The following SMARCC1 variants were observed in gnomAD, a reference collection of about 807,000 sequenced individuals.
SMARCC1 encodes SWI/SNF complex subunit SMARCC1.
SMARCC1 carries 43 observed loss-of-function variants against 147.4 expected under a neutral mutation model. The ratio of observed to expected loss-of-function variants is 0.29; its 90% CI spans 0.23 to 0.38. The LOEUF is 0.38. Among genes scored for constraint, SMARCC1 ranks in the 10% least tolerant of loss-of-function variants. SMARCC1 has a pLI of 1.00. For synonymous variants in SMARCC1, 495 were observed against 484.4 expected, an observed-to-expected ratio of 1.02 and a Z score of -0.29; for missense variants, 1,119 against 1,381.1, an observed-to-expected ratio of 0.81 and a Z score of 3.01.
At chr3:47,630,054 G>A in intron 24 of SMARCC1, among the ~76,000 whole-genome samples, 1 of 151,578 alleles carries the variant, frequency 6.6e-6, no homozygotes, top group Non-Finnish European at 1.5e-5. Context: ...GAAGAATGAT[G>A]AGGTCTGGGA....
intron 19 of SMARCC1, chr3:47,663,918 T>A (rs1344520427): frequency 6.9e-7 from 1 of 1,455,652 alleles, no homozygotes; most frequent in African/African-American, 1.4e-5. Flanking sequence ...GTCACCGCTA[T>A]GAAGTCTCAA....
chr3:47,772,005 G>A (rs893375038), intron 2 of SMARCC1, among the ~76,000 whole-genome samples: 3 of 151,932 alleles, frequency 2.0e-5, no homozygotes, highest in African/African-American at 4.8e-5. Context: ...ATCGCTGCAG[G>A]TTGCAGTGAG....
Position 47,706,481 on chromosome 3 carries a change from C to T in SMARCC1, c.968G>A (p.Arg323Gln), listed in dbSNP as rs769789233. ...RRDRKASANARKRKHSPSPPP... is the reference protein window; with the variant it reads ...RRDRKASANAQKRKHSPSPPP... ...AGGCGAAGGCGAATGTTTCCTCTTTCGAGCATTAGCTGATGCTTTTCTATC... is the reference window on the plus strand; with the variant it reads ...AGGCGAAGGCGAATGTTTCCTCTTTTGAGCATTAGCTGATGCTTTTCTATC... Residue 323 changes from arginine to glutamine, a missense_variant, in exon 10 of 28, where the codon CGA becomes CAA. Around this residue, in one of 6 missense-constraint regions of SMARCC1, gnomAD observed 542 missense variants for 611.8 expected, o/e 0.89. Coordinates refer to ENST00000254480, the MANE Select transcript of SMARCC1 (RefSeq NM_003074.4). 5.7e-6 allele frequency: 9 copies of T among 1,581,970 alleles called. No individual in the cohort carries two copies. The highest frequency in any genetic ancestry group is 1.4e-5 in the African/African-American group (1 of 72,570).
At chr3:47,697,282 G>A (rs908983287) in intron 11 of SMARCC1, among the ~76,000 whole-genome samples, 1 of 151,404 alleles carries the variant, frequency 6.6e-6, no homozygotes, top group Non-Finnish European at 1.5e-5. Flanking sequence ...CAGCCTGGGC[G>A]AAAGAGCGAG....
intron 10 of SMARCC1, among the ~76,000 whole-genome samples, chr3:47,705,578 T>C (rs978974295): frequency 6.6e-6 from 1 of 152,176 alleles, no homozygotes; most frequent in African/African-American, 2.4e-5. Context: ...ATTCAAGGCA[T>C]GTTCTGGGAA....
intron 2 of SMARCC1, among the ~76,000 whole-genome samples, chr3:47,747,717 A>C (rs2034582322): frequency 6.6e-6 from 1 of 152,072 alleles, no homozygotes; most frequent in Non-Finnish European, 1.5e-5. Flanking sequence ...TTGAGAAAGA[A>C]GGCAGGGAGG....
At chr3:47,666,974 T>C (rs1309258285) in intron 19 of SMARCC1, among the ~76,000 whole-genome samples, 2 of 152,186 alleles carry the variant, frequency 1.3e-5, no homozygotes, top group East Asian at 3.8e-4. Context: ...TGTTGGTTAC[T>C]GAATATCTTC....
At chr3:47,676,078 C>T (rs890072708) in intron 17 of SMARCC1, among the ~76,000 whole-genome samples, 6 of 152,158 alleles carry the variant, frequency 3.9e-5, no homozygotes, top group African/African-American at 1.4e-4. Flanking sequence ...TTTGGTGTCC[C>T]TTTAAATCCC....
chr3:47,589,049 C>G (rs999737206), intron 27 of SMARCC1, among the ~76,000 whole-genome samples: 2 of 152,174 alleles, frequency 1.3e-5, no homozygotes, highest in Non-Finnish European at 2.9e-5. Context: ...AAATAAAGTG[C>G]AGCATTGCTC....
rs572620775 is a variant in SMARCC1, at chr3:47,635,085, C to A, written c.2646+105G>T. ...GAAATGCCATTCAAGCAGTCATCTC[C>A]TATTGGGAGCAAAGCTCTTTATACT... On this transcript the variant is annotated intron_variant, in intron 24 of 27. Transcript: ENST00000254480. The A allele has an allele frequency of 5.2e-6, 5 of 961,984 alleles. No homozygotes were observed. In the African/African-American group the frequency reaches 8.2e-5, roughly 16 times the overall value. The allele number at this position is 961,984 out of a possible 1,614,324, so 59.6% of individuals were successfully genotyped here. A position where few individuals can be genotyped will look rare whatever the true frequency, so the allele number is the denominator to read the frequency against.
intron 21 of SMARCC1, among the ~76,000 whole-genome samples, chr3:47,644,249 G>A (rs1185790443): frequency 6.6e-6 from 1 of 152,108 alleles, no homozygotes; most frequent in Non-Finnish European, 1.5e-5. Context: ...CGGAGGCAGG[G>A]GTAGGAAGAC....
At chr3:47,631,740 G>T (rs1313789637) in intron 24 of SMARCC1, among the ~76,000 whole-genome samples, 1 of 152,090 alleles carries the variant, frequency 6.6e-6, no homozygotes, top group Non-Finnish European at 1.5e-5. Flanking sequence ...AGATTCTTAA[G>T]GAAAACTTTT....
intron 2 of SMARCC1, among the ~76,000 whole-genome samples, chr3:47,747,205 G>A (rs779623819): frequency 2.6e-5 from 4 of 151,804 alleles, no homozygotes; most frequent in South Asian, 2.1e-4. Context: ...AGGCCGAAGC[G>A]GGCAGATGGC....
intron 3 of SMARCC1, among the ~76,000 whole-genome samples, chr3:47,745,044 G>C (rs1286796654): frequency 6.6e-6 from 1 of 152,180 alleles, no homozygotes; most frequent in Non-Finnish European, 1.5e-5. Context: ...AAGGCAGGTA[G>C]ATCGCCTGAG....
intron 8 of SMARCC1, among the ~76,000 whole-genome samples, chr3:47,711,496 C>T (rs978340626): frequency 6.6e-6 from 1 of 152,190 alleles, no homozygotes; most frequent in Non-Finnish European, 1.5e-5. Context: ...CTAGAAAATT[C>T]TTCCTTGTAC....
At chr3:47,714,548 GAC>G (rs2034132113) in intron 7 of SMARCC1, 58 bp from the exon 8 acceptor site, 3 of 855,520 alleles carry the variant, frequency 3.5e-6, no homozygotes, top group Non-Finnish European at 3.8e-6. Flanking sequence ...TCATTAGAAA[GAC>G]TTTTACAAAT....
chr3:47,761,155 A>G (rs373830580), intron 2 of SMARCC1, among the ~76,000 whole-genome samples: 12 of 150,402 alleles, frequency 8.0e-5, no homozygotes, highest in African/African-American at 2.9e-4. Context: ...AGAAAAGAAA[A>G]GCCAGGCGTG....
chr3:47,649,247 G>A (rs2033157173), intron 21 of SMARCC1, among the ~76,000 whole-genome samples: 1 of 152,192 alleles, frequency 6.6e-6, no homozygotes, highest in Non-Finnish European at 1.5e-5. Flanking sequence ...TGGTGTTTTA[G>A]AAGTGCCTGA....
chr3:47,590,173 C>T (rs534784847), intron 27 of SMARCC1, among the ~76,000 whole-genome samples: 1 of 152,322 alleles, frequency 6.6e-6, no homozygotes, highest in Admixed American at 6.5e-5. Context: ...TCAACACAGC[C>T]CCTGAATACT....
Sources: allele counts gnomAD v4.1 joint callset (sites outside exome capture counted in the v4.1 genomes callset), GRCh38; gene constraint gnomAD v4.1.1; regional missense constraint gnomAD v4.1.1; transcripts MANE v1.5; gene names NCBI Gene and HGNC (gene_info 2026-07-23, HGNC 2026-07-21).